The following DDX10 variants were observed in gnomAD, a reference collection of about 807,000 sequenced individuals.
DDX10 encodes the protein DEAD-box helicase 10.
Under a neutral mutation model 104.3 loss-of-function variants are expected in DDX10, and 74 were observed. That is an observed-to-expected ratio of 0.71 (90% CI 0.59 to 0.86). The LOEUF (loss-of-function observed/expected upper bound fraction) is 0.86, where lower values mean the gene tolerates loss of function less well. Ranked by LOEUF, DDX10 falls within the 40% of genes least tolerant of loss-of-function variation. DDX10 has a pLI of 0.00. For missense variants in DDX10, 952 were observed against 1,040.0 expected, an observed-to-expected ratio of 0.92 and a Z score of 1.16; for synonymous variants, 351 against 353.4, an observed-to-expected ratio of 0.99 and a Z score of 0.08.
At chr11:108,871,377 G>A (rs1373309615) in intron 16 of DDX10, among the ~76,000 whole-genome samples, 1 of 152,184 alleles carries the variant, frequency 6.6e-6, no homozygotes, top group Non-Finnish European at 1.5e-5. Flanking sequence ...TCTGCTGGGG[G>A]CTTGGAACTC....
At chr11:108,835,092 G>A (rs890870915) in intron 13 of DDX10, among the ~76,000 whole-genome samples, 1 of 152,164 alleles carries the variant, frequency 6.6e-6, no homozygotes, top group South Asian at 2.1e-4. Flanking sequence ...GACAGAAGTG[G>A]GGGTCTTATT....
Position 108,679,283 on chromosome 11 carries a change from G to A in DDX10, c.659-88G>A, listed in dbSNP as rs2094231106. ...GTTTTTCCGCTAATGTTCTTTTTCT[G>A]TTTTAGGATCCAATCCAGGATACCC... On this transcript the variant is annotated intron_variant, in intron 5 of 17. Coordinates refer to ENST00000322536, the MANE Select transcript of DDX10 (RefSeq NM_004398.4). The A allele has an allele frequency of 7.9e-6, 9 of 1,142,720 alleles. No homozygotes were observed. In the South Asian group the frequency reaches 1.5e-4, roughly 19 times the overall value. 70.8% of individuals were successfully genotyped at this position (1,142,720 alleles called of 1,614,324 possible).
At chr11:108,910,719 G>T (rs1367226647) in intron 16 of DDX10, among the ~76,000 whole-genome samples, 1 of 147,636 alleles carries the variant, frequency 6.8e-6, no homozygotes, top group Non-Finnish European at 1.5e-5. Flanking sequence ...TAAGAGAGGA[G>T]CGTGCATGCG....
intron 16 of DDX10, among the ~76,000 whole-genome samples, chr11:108,853,644 T>C (rs1418136700): frequency 1.3e-5 from 2 of 152,168 alleles, no homozygotes; most frequent in African/African-American, 4.8e-5. Flanking sequence ...TGTGTATATT[T>C]GGTTTTAATA....
intron 13 of DDX10, among the ~76,000 whole-genome samples, chr11:108,774,652 A>G (rs777544901): frequency 6.6e-6 from 1 of 152,064 alleles, no homozygotes; most frequent in African/African-American, 2.4e-5. Flanking sequence ...GTTAAAAGGG[A>G]TAAAAACCTT....
chr11:108,742,888 C>T (rs961494768), intron 13 of DDX10, among the ~76,000 whole-genome samples: 4 of 152,062 alleles, frequency 2.6e-5, no homozygotes, highest in African/African-American at 7.2e-5. Context: ...GAAACTGAAT[C>T]AGTAATAAAA....
chr11:108,856,896 T>C (rs1292805066), intron 16 of DDX10, among the ~76,000 whole-genome samples: 1 of 144,702 alleles, frequency 6.9e-6, no homozygotes, highest in African/African-American at 2.6e-5. Context: ...GGCAAGGCTC[T>C]AGGGTTCCAT....
At chr11:108,694,249 G>C (rs1175421337) in intron 9 of DDX10, among the ~76,000 whole-genome samples, 2 of 152,168 alleles carry the variant, frequency 1.3e-5, no homozygotes, top group African/African-American at 4.8e-5. Flanking sequence ...CACAGATAGA[G>C]GGGGGACTAC....
chr11:108,926,126 TG>T (rs1863905498), intron 17 of DDX10, among the ~76,000 whole-genome samples: 1 of 152,118 alleles, frequency 6.6e-6, no homozygotes, highest in South Asian at 2.1e-4. Context: ...AAACTCAACT[TG>T]TATGATGTTT....
intron 17 of DDX10, among the ~76,000 whole-genome samples, chr11:108,938,424 T>A (rs1864062865): frequency 6.6e-6 from 1 of 152,190 alleles, no homozygotes; most frequent in South Asian, 2.1e-4. Flanking sequence ...AGCCCACTAA[T>A]TAGGCCATTT....
intron 13 of DDX10, among the ~76,000 whole-genome samples, chr11:108,737,882 C>T (rs906328155): frequency 3.9e-5 from 6 of 152,070 alleles, no homozygotes; most frequent in South Asian, 2.1e-4. Flanking sequence ...TGGGTGATAA[C>T]GATTAGAATA....
chr11:108,927,635 C>CTTTTTTTTTTTT (rs147115643), intron 17 of DDX10, among the ~76,000 whole-genome samples: 1 of 146,512 alleles, frequency 6.8e-6, no homozygotes, highest in Non-Finnish European at 1.5e-5. Flanking sequence ...GCACTTGGAA[C>CTTTTTTTTTTTT]TTTTTTTTTT....
At chr11:108,834,551 C>T (rs1862521831) in intron 13 of DDX10, among the ~76,000 whole-genome samples, 1 of 152,092 alleles carries the variant, frequency 6.6e-6, no homozygotes. Flanking sequence ...AGAAGGTTTA[C>T]TCATGTTCTT....
At chr11:108,815,668 C>T (rs897787638) in intron 13 of DDX10, among the ~76,000 whole-genome samples, 2 of 152,008 alleles carry the variant, frequency 1.3e-5, no homozygotes, top group African/African-American at 4.8e-5. Flanking sequence ...TATTAAAATG[C>T]TTTGGATTTC....
chr11:108,666,836 C>T (rs545580665), intron 1 of DDX10, among the ~76,000 whole-genome samples: 7 of 152,294 alleles, frequency 4.6e-5, no homozygotes, highest in East Asian at 1.9e-4. Flanking sequence ...GTCACTTTTG[C>T]CATGTAAGGT....
At chr11:108,860,792 C>A in intron 16 of DDX10, 1 of 152,172 alleles carries the variant, frequency 6.6e-6, no homozygotes, top group Non-Finnish European at 1.5e-5. Context: ...GTGATCTGCC[C>A]ACCTTGGCCT....
At chr11:108,920,870 A>G (rs1412548811) in intron 17 of DDX10, 7 of 152,268 alleles carry the variant, frequency 4.6e-5, no homozygotes, top group African/African-American at 1.7e-4. Context: ...TGGGACAACT[A>G]AAAATGTCTT....
intron 16 of DDX10, among the ~76,000 whole-genome samples, chr11:108,876,105 CAT>C (rs1863150874): frequency 1.3e-5 from 2 of 152,254 alleles, no homozygotes; most frequent in East Asian, 3.9e-4. Flanking sequence ...ATCTTTAAAA[CAT>C]TACTGATAAT....
chr11:108,917,972 A>G lies in DDX10; in HGVS notation c.2404A>G (p.Arg802Gly). ...CACACTCCCAGATCCAGATAAATAC[A>G]GAAGCTCTGAAGATTCAGATAGTGA... ...PSTLPDPDKY[R>G]SSEDSDSEDM... The change falls in exon 17 of 18, where the codon AGA becomes GGA. Residue 802 changes from arginine (R) to glycine (G), a missense_variant. Arg to Gly is a moderately radical substitution (Grantham distance 125). Transcript: ENST00000322536. 1 of 1,613,704 alleles carries G rather than the reference A, an allele frequency of 6.2e-7. No homozygotes were observed. The highest frequency in any genetic ancestry group is 1.1e-5 in the South Asian group (1 of 91,064).
Sources: gnomAD v4.1 joint callset for allele counts (sites outside exome capture counted in the v4.1 genomes callset) on GRCh38, gnomAD v4.1.1 for gene constraint, MANE v1.5 for transcripts, NCBI Gene and HGNC (gene_info 2026-07-23, HGNC 2026-07-21) for gene names.